The following SNRK variants were observed in gnomAD, a reference collection of about 807,000 sequenced individuals.
SNRK encodes the protein SNF-related serine/threonine-protein kinase.
Under a neutral mutation model 48.2 loss-of-function variants are expected in SNRK, and 3 were observed. The ratio of observed to expected loss-of-function variants is 0.06; its 90% confidence interval spans 0.03 to 0.16. The LOEUF (loss-of-function observed/expected upper bound fraction) is 0.16, where lower values mean the gene tolerates loss of function less well. Among genes scored for constraint, SNRK ranks in the 10% least tolerant of loss-of-function variants. The pLI, the probability that SNRK is intolerant of heterozygous loss-of-function variation, is 1.00. For synonymous variants in SNRK, 376 were observed against 366.1 expected (o/e 1.03, Z -0.31); for missense variants, 627 against 976.0 (o/e 0.64, Z 4.76).
chr3:43,303,342 A>T lies in SNRK; in HGVS notation c.139A>T (p.Ile47Phe). 1 of 1,614,182 alleles carries T rather than the reference A, an allele frequency of 6.2e-7. No individual in the cohort carries two copies. Among genetic ancestry groups the T allele is most frequent in the Non-Finnish European group, 8.5e-7 (1 of 1,180,030 alleles). The change falls in exon 3 of 7, where the codon ATT (isoleucine) becomes TTT (phenylalanine). Residue 47 changes from isoleucine (I) to phenylalanine (F), a missense_variant. Ile to Phe is a conservative substitution (Grantham distance 21). Around this residue, in one of 4 missense-constraint regions of SNRK, gnomAD observed 147 missense variants for 356.8 expected, o/e 0.41. Coordinates refer to ENST00000296088, the MANE Select transcript of SNRK (RefSeq NM_017719.5). This position sits in a 1 kb window ranked among gnomAD's most constrained non-coding sequence, Gnocchi z 6.2. ...GGGTGAAAAGGTGGCAGTAAAAGTT[A>T]TTGACAAGACAAAACTGGACACTCT... The part of the protein sequence containing the change: ...FTGEKVAVKV[I>F]DKTKLDTLAT...
At chr3:43,302,059 C>G (rs2090901700) in intron 2 of SNRK, among the ~76,000 whole-genome samples, 1 of 152,122 alleles carries the variant, frequency 6.6e-6, no homozygotes, top group Non-Finnish European at 1.5e-5. Flanking sequence ...CTTAAATCAT[C>G]TGTAAGAATG....
At chr3:43,322,162 G>T (rs1409447200) in intron 3 of SNRK, among the ~76,000 whole-genome samples, 4 of 152,182 alleles carry the variant, frequency 2.6e-5, no homozygotes, top group Admixed American at 1.3e-4. Flanking sequence ...AAAGAACAGG[G>T]TCTAATCATT....
intron 3 of SNRK, among the ~76,000 whole-genome samples, chr3:43,313,192 A>C (rs1440605030): frequency 6.6e-6 from 1 of 151,674 alleles, no homozygotes; most frequent in Admixed American, 6.6e-5. Context: ...TTATAAAACT[A>C]AATATGCAAT....
In SNRK at chr3:43,344,178, C is replaced by T. The variant is rs563300698; in HGVS notation, c.1079+700C>T. On this transcript the variant is annotated intron_variant, in intron 6 of 6. Coordinates refer to ENST00000296088, the MANE Select transcript of SNRK (RefSeq NM_017719.5). The stretch of plus-strand genomic sequence containing the variant: ...CTTCAATAAAGTCATGAACGTGCTG[C>T]TCCCCAAGCCTTTTCTAACCCCCTC... 2.6e-5 allele frequency among the ~76,000 whole-genome samples: 4 copies of T among 152,200 alleles called. No homozygotes were observed. In the South Asian group the frequency reaches 8.3e-4, roughly 32 times the overall value.
At position 43,347,774 on chromosome 3, in the gene SNRK, G is replaced by C. The variant is rs768551123; in HGVS notation, c.1515G>C (p.Leu505=). The C allele has an allele frequency of 5.0e-6, 8 of 1,614,080 alleles. No individual in the cohort carries two copies. In the African/African-American group the frequency reaches 5.3e-5, roughly 11 times the overall value. The change falls in exon 7 of 7, where the codon CTG becomes CTC. Residue 505 remains leucine (L), a synonymous_variant. Coordinates refer to ENST00000296088, the MANE Select transcript of SNRK (RefSeq NM_017719.5). This position sits in a 1 kb window ranked among gnomAD's most constrained non-coding sequence, Gnocchi z 5.4. The part of the protein sequence containing the change: ...SDDEFDMDEN[L]PPKLSRLKMN... Reference sequence around the variant, plus strand: ...ATGAGTTTGACATGGATGAGAATCTGCCTCCCAAGTTGAGCAGGTTAAAGA... The same window carrying C: ...ATGAGTTTGACATGGATGAGAATCTCCCTCCCAAGTTGAGCAGGTTAAAGA...
Position 43,340,475 on chromosome 3 carries a change from T to G in SNRK, c.920T>G (p.Ile307Arg). 6.2e-7 allele frequency: 1 copy of G among 1,614,190 alleles called. No homozygotes were observed. The highest frequency in any genetic ancestry group is 1.1e-5 in the South Asian group (1 of 91,082). The change falls in exon 5 of 7, where the codon ATA becomes AGA. Residue 307 changes from isoleucine (I) to arginine (R), a missense_variant. Transcript: ENST00000296088. ...ATTCAGCGCATGGTGCTTGGGGACA[T>G]AGCGGATCGAGACGCCATTGTAGAG... ...SIIQRMVLGD[I>R]ADRDAIVEAL...
At chr3:43,295,738 T>C (rs1325798721) in intron 1 of SNRK, among the ~76,000 whole-genome samples, 2 of 152,112 alleles carry the variant, frequency 1.3e-5, no homozygotes, top group African/African-American at 4.8e-5. Context: ...TGAAATATTG[T>C]TTACTTTTTT....
chr3:43,327,621 A>G (rs949169993), intron 3 of SNRK, among the ~76,000 whole-genome samples: 2 of 152,204 alleles, frequency 1.3e-5, no homozygotes, highest in Non-Finnish European at 2.9e-5. Context: ...AATTCAGTTT[A>G]GAAATGACTT....
At chr3:43,290,078 G>T (rs1363593844) in intron 1 of SNRK, among the ~76,000 whole-genome samples, 1 of 152,104 alleles carries the variant, frequency 6.6e-6, no homozygotes, top group Non-Finnish European at 1.5e-5. Flanking sequence ...TGGTCAAATC[G>T]CAGCCTCACT....
At chr3:43,332,136 T>C (rs974971957) in intron 3 of SNRK, 33 bp from the exon 4 acceptor site, 13 of 1,456,972 alleles carry the variant, frequency 8.9e-6, no homozygotes, top group Non-Finnish European at 1.2e-5. Context: ...TTCTAATTAG[T>C]CCAATATTTT....
At chr3:43,317,646 C>T (rs532066358) in intron 3 of SNRK, among the ~76,000 whole-genome samples, 1 of 152,278 alleles carries the variant, frequency 6.6e-6, no homozygotes, top group Admixed American at 6.5e-5. Context: ...CCTTCGGCTC[C>T]AGCCACGCTG....
At chr3:43,288,067 A>G (rs1444969887) in intron 1 of SNRK, among the ~76,000 whole-genome samples, 1 of 152,236 alleles carries the variant, frequency 6.6e-6, no homozygotes, top group Non-Finnish European at 1.5e-5. Flanking sequence ...CCTTGAGAGG[A>G]GAACAGGTGG....
At chr3:43,344,775 C>T (rs1303401482) in intron 6 of SNRK, among the ~76,000 whole-genome samples, 3 of 152,054 alleles carry the variant, frequency 2.0e-5, no homozygotes, top group Non-Finnish European at 4.4e-5. Context: ...TCAGAGGTTA[C>T]GGTCAACCTA....
intron 3 of SNRK, chr3:43,314,866 C>T (rs1292448375): frequency 6.6e-6 from 1 of 151,824 alleles, no homozygotes; most frequent in Non-Finnish European, 1.5e-5. Flanking sequence ...GCAACATAGA[C>T]TCCATCTCTT....
chr3:43,302,161 G>C (rs920321867), intron 2 of SNRK, among the ~76,000 whole-genome samples: 2 of 152,118 alleles, frequency 1.3e-5, no homozygotes, highest in Non-Finnish European at 2.9e-5. Flanking sequence ...TAACTGCTGA[G>C]TACCAGTAAA....
At chr3:43,341,366 T>C (rs1254404296) in intron 5 of SNRK, among the ~76,000 whole-genome samples, 3 of 152,142 alleles carry the variant, frequency 2.0e-5, no homozygotes, top group Non-Finnish European at 2.9e-5. Context: ...TTAGCCAGGA[T>C]GGTCTCGATC....
chr3:43,296,436 A>G (rs986804562), intron 1 of SNRK, among the ~76,000 whole-genome samples: 2 of 145,452 alleles, frequency 1.4e-5, no homozygotes, highest in South Asian at 4.2e-4. Context: ...ATATATATGT[A>G]TATATATATA....
intron 6 of SNRK, among the ~76,000 whole-genome samples, chr3:43,346,454 C>T (rs1165219866): frequency 6.6e-6 from 1 of 152,200 alleles, no homozygotes; most frequent in Non-Finnish European, 1.5e-5. Flanking sequence ...TTAAAAAATT[C>T]ATCTTCTTTG....
intron 3 of SNRK, among the ~76,000 whole-genome samples, chr3:43,315,776 T>C (rs2091009023): frequency 6.6e-6 from 1 of 152,232 alleles, no homozygotes; most frequent in South Asian, 2.1e-4. Context: ...CAGTGTAATA[T>C]TAAATTGTCA....
Sources: gnomAD v4.1 joint callset for allele counts (sites outside exome capture counted in the v4.1 genomes callset) on GRCh38, gnomAD v4.1.1 for gene constraint, gnomAD v4.1.1 regional missense constraint, Gnocchi (gnomAD v3.1) non-coding constraint, MANE v1.5 for transcripts, NCBI Gene and HGNC (gene_info 2026-07-23, HGNC 2026-07-21) for gene names.